Variants in RASSF5 observed in about 807,000 individuals in gnomAD.
The protein encoded by RASSF5 is Ras association domain family member 5, also known as ras association domain-containing protein 5.
A neutral mutation model predicts 40.5 loss-of-function variants in RASSF5; 25 were observed. The observed-to-expected ratio is 0.62, with a 90% confidence interval of 0.45 to 0.86. RASSF5 has a LOEUF of 0.86. RASSF5 is among the 40% of genes least tolerant of loss of function. The probability of loss-of-function intolerance (pLI) is 0.00; values close to 1 mark genes in which losing one functional copy is unlikely to be tolerated. For synonymous variants in RASSF5, 246 were observed against 252.4 expected (o/e 0.97, Z 0.24); for missense variants, 521 against 572.8 (o/e 0.91, Z 0.92).
At chr1:206,573,083 A>G (rs1485335208) in intron 2 of RASSF5, among the ~76,000 whole-genome samples, 5 of 152,242 alleles carry the variant, frequency 3.3e-5, no homozygotes, top group African/African-American at 1.2e-4. Flanking sequence ...ACATTTATGG[A>G]GTGCTTACTG....
At chr1:206,521,180 G>C (rs1375063513) in intron 1 of RASSF5, among the ~76,000 whole-genome samples, 1 of 152,172 alleles carries the variant, frequency 6.6e-6, no homozygotes. Flanking sequence ...TGCTAGGGGG[G>C]TCTGTGGGAA....
rs1238269401 is a variant in RASSF5 at position 206,584,942 on chromosome 1, C to T, written c.989-238C>T. 3.3e-6 allele frequency: 2 copies of T among 605,890 alleles called. No individual in the cohort carries two copies. Among genetic ancestry groups the T allele is most frequent in the African/African-American group, 3.7e-5 (2 of 53,928 alleles). The allele number at this position is 605,890 out of a possible 1,614,324, so 37.5% of individuals were successfully genotyped here. On this transcript the variant is annotated intron_variant, in intron 4 of 5. Transcript: ENST00000579436. This position sits in a 1 kb window ranked among gnomAD's most constrained non-coding sequence, Gnocchi z 4.9. ...TCTGTGCAATGGGAGGAATCTGCCC[C>T]ACCATTCCTAATCTTTCAGGAGATG...
chr1:206,573,061 A>G (rs1383266288), intron 2 of RASSF5, among the ~76,000 whole-genome samples: 1 of 152,234 alleles, frequency 6.6e-6, no homozygotes, highest in Non-Finnish European at 1.5e-5. Flanking sequence ...TTGGATGATG[A>G]CGCACTAGCT....
At chr1:206,520,404 C>T (rs904817601) in intron 1 of RASSF5, among the ~76,000 whole-genome samples, 4 of 152,018 alleles carry the variant, frequency 2.6e-5, no homozygotes, top group Admixed American at 6.6e-5. Context: ...GTCAGGAGTT[C>T]GAGACAAGCC....
In RASSF5 at chr1:206,507,792, A is replaced by AGGGCTGCCCGGG; in HGVS notation, c.193_204dup (p.Ala65_Gly68dup). The stretch of plus-strand genomic sequence containing the variant: ...GGCGCGCGAGGGGCGCAGCGCCCGG[A>AGGGCTGCCCGGG]GGGCTGCCCGGGGGAACCTGGAGCC... On this transcript the variant is annotated inframe_insertion, in exon 1 of 6. Coordinates refer to ENST00000579436, the MANE Select transcript of RASSF5 (RefSeq NM_182663.4). 7.2e-7 allele frequency: 1 copy of AGGGCTGCCCGGG among 1,388,796 alleles called. No individual in the cohort carries two copies. The highest frequency in any genetic ancestry group is 9.2e-7 in the Non-Finnish European group (1 of 1,082,040). 86.0% of individuals were successfully genotyped at this position (1,388,796 alleles called of 1,614,324 possible). A position where few individuals can be genotyped will look rare whatever the true frequency, so the allele number is the denominator to read the frequency against.
intron 1 of RASSF5, chr1:206,529,000 T>C: frequency 1.4e-6 from 1 of 701,126 alleles, no homozygotes; most frequent in Non-Finnish European, 2.5e-6. Context: ...AATCCCCTGT[T>C]TGAGAAAAGG....
intron 1 of RASSF5, among the ~76,000 whole-genome samples, chr1:206,525,846 T>C (rs1667084761): frequency 6.6e-6 from 1 of 152,174 alleles, no homozygotes; most frequent in African/African-American, 2.4e-5. Context: ...TAAAAGTGTA[T>C]GTCAATCCCA....
At chr1:206,533,688 G>A (rs1228743665) in intron 1 of RASSF5, among the ~76,000 whole-genome samples, 1 of 152,032 alleles carries the variant, frequency 6.6e-6, no homozygotes, top group African/African-American at 2.4e-5. Context: ...CTAGGAGTTC[G>A]AGGTTATAGT....
chr1:206,553,125 C>G (rs1667888725), intron 2 of RASSF5, among the ~76,000 whole-genome samples: 1 of 152,090 alleles, frequency 6.6e-6, no homozygotes, highest in Non-Finnish European at 1.5e-5. Flanking sequence ...TGGCGTGAAC[C>G]TGGGAGGTGG....
At chr1:206,583,419 C>T in intron 3 of RASSF5, 40 bp downstream of exon 3, 2 of 1,406,830 alleles carry the variant, frequency 1.4e-6, no homozygotes, top group Non-Finnish European at 2.0e-6. Context: ...CCTGCTCCAC[C>T]ACCCGCTTCG....
intron 2 of RASSF5, among the ~76,000 whole-genome samples, chr1:206,569,489 G>A (rs1668381774): frequency 6.6e-6 from 1 of 152,204 alleles, no homozygotes; most frequent in Non-Finnish European, 1.5e-5. Context: ...CCTAGATCTG[G>A]ACAAGGGAAG....
At chr1:206,557,505 TC>T in intron 2 of RASSF5, 1 of 1,601,068 alleles carries the variant, frequency 6.2e-7, no homozygotes, top group Non-Finnish European at 8.5e-7. Flanking sequence ...GGTGCCCACC[TC>T]CCTCCGCCGC....
chr1:206,519,369 A>G (rs955030990), intron 1 of RASSF5, among the ~76,000 whole-genome samples: 1 of 152,010 alleles, frequency 6.6e-6, no homozygotes, highest in Non-Finnish European at 1.5e-5. Flanking sequence ...AGCATCTTAC[A>G]CTTCTGTAGC....
chr1:206,528,318 C>T (rs1352225803), intron 1 of RASSF5, among the ~76,000 whole-genome samples: 3 of 151,900 alleles, frequency 2.0e-5, no homozygotes, highest in Admixed American at 1.3e-4. Flanking sequence ...AAATTGGCTA[C>T]GTATCTTATG....
At chr1:206,565,154 A>G (rs1553403188) in intron 2 of RASSF5, among the ~76,000 whole-genome samples, 1 of 151,366 alleles carries the variant, frequency 6.6e-6, no homozygotes, top group Non-Finnish European at 1.5e-5. Flanking sequence ...CACCTTCAAT[A>G]CCTCAGGGGT....
chr1:206,585,288 A>C lies in RASSF5; in HGVS notation c.1097A>C (p.Glu366Ala), dbSNP rs1253444123. ...SFVLKENETGEVEWDAFSIPE... is the reference protein window; with the variant it reads ...SFVLKENETGAVEWDAFSIPE... ...GTGCTAAAGGAGAATGAAACTGGAG[A>C]GGTAGAGGTAGGTCTGGACCCATTG... Residue 366 changes from glutamate (E) to alanine (A), a missense_variant, in exon 5 of 6, where the codon GAG (glutamate) becomes GCG (alanine). By Grantham distance (107) the Glu-to-Ala change is moderately radical (BLOSUM62 -1). Around this residue, in one of 2 missense-constraint regions of RASSF5, gnomAD observed 284 missense variants for 360.8 expected, o/e 0.79. Coordinates refer to ENST00000579436, the MANE Select transcript of RASSF5 (RefSeq NM_182663.4). 8.1e-6 allele frequency: 13 copies of C among 1,613,264 alleles called. No individual in the cohort carries two copies. The highest frequency in any genetic ancestry group is 1.6e-4 in the Middle Eastern group (1 of 6,062).
At chr1:206,557,572 A>G (rs909914004) in intron 2 of RASSF5, 19 of 1,613,912 alleles carry the variant, frequency 1.2e-5, no homozygotes, top group East Asian at 4.5e-5. Flanking sequence ...ACTCCGGGGT[A>G]GATGACCGTG....
chr1:206,536,365 G>T (rs544245238), intron 1 of RASSF5, among the ~76,000 whole-genome samples: 3 of 152,326 alleles, frequency 2.0e-5, no homozygotes, highest in East Asian at 3.9e-4. Flanking sequence ...AGCAGTGAAG[G>T]TTCCAGACAC....
chr1:206,526,357 TG>T, intron 1 of RASSF5, among the ~76,000 whole-genome samples: 1 of 151,840 alleles, frequency 6.6e-6, no homozygotes, highest in African/African-American at 2.4e-5. Context: ...CCCTCCGGGC[TG>T]GGCTGCAGGA....
Sources: allele counts gnomAD v4.1 joint callset (sites outside exome capture counted in the v4.1 genomes callset), GRCh38; gene constraint gnomAD v4.1.1; regional missense constraint gnomAD v4.1.1; non-coding constraint Gnocchi (gnomAD v3.1); transcripts MANE v1.5; gene names NCBI Gene and HGNC (gene_info 2026-07-23, HGNC 2026-07-21).